LRCH2: variants seen among roughly 807,000 people sequenced by gnomAD.
LRCH2 encodes leucine-rich repeat and calponin homology domain-containing protein 2.
LRCH2 carries 38 observed loss-of-function variants against 68.9 expected under a neutral mutation model. The ratio of observed to expected loss-of-function variants is 0.55; its 90% confidence interval spans 0.43 to 0.72. LRCH2 has a LOEUF of 0.72. LRCH2 is among the 30% of genes least tolerant of loss of function. LRCH2 has a pLI of 0.00. For synonymous variants in LRCH2, 191 were observed against 208.1 expected (o/e 0.92, Z 0.71); for missense variants, 528 against 572.9 (o/e 0.92, Z 0.80).
Position 115,124,022 on chromosome X carries a change from TTAAAAA to T in LRCH2, c.1792-26_1792-21del. Reference sequence around the variant, plus strand: ...ATATTCCTAAAAAAAAATTAAAAAGTTAAAAATAAATAAATAATAAAACTTCTTTTC... The same window carrying T: ...ATATTCCTAAAAAAAAATTAAAAAGTTAAATAAATAATAAAACTTCTTTTC... On this transcript the variant is annotated intron_variant, in intron 16 of 20. Transcript: ENST00000317135. 2 of 914,487 alleles carry T rather than the reference TTAAAAA, an allele frequency of 2.2e-6. No individual in the cohort carries two copies. Among genetic ancestry groups the T allele is most frequent in the Non-Finnish European group, 2.9e-6 (2 of 686,532 alleles). The allele number at this position is 914,487 out of a possible 1,213,427, so 75.4% of individuals were successfully genotyped here. A position where few individuals can be genotyped will look rare whatever the true frequency, so the allele number is the denominator to read the frequency against.
chrX:115,223,755 GA>G (rs140221934), intron 1 of LRCH2, among the ~76,000 whole-genome samples: 7,057 of 96,847 alleles, frequency 0.073, 231 homozygotes, highest in Middle Eastern at 0.11. Flanking sequence ...GTCTCTACTG[GA>G]AAAAAAAAAA....
At chrX:115,229,095 T>C (rs1378244007) in intron 1 of LRCH2, among the ~76,000 whole-genome samples, 1 of 111,586 alleles carries the variant, frequency 9.0e-6, no homozygotes, top group Non-Finnish European at 1.9e-5. Context: ...AAGAGAGGCA[T>C]GATAGCTATG....
chrX:115,194,176 T>C (rs1194691945), intron 1 of LRCH2, among the ~76,000 whole-genome samples: 1 of 111,563 alleles, frequency 9.0e-6, no homozygotes, highest in Non-Finnish European at 1.9e-5. Flanking sequence ...TATATTCTCA[T>C]TCTTAACCTT....
chrX:115,192,329 G>T, intron 1 of LRCH2: 1 of 1,081,190 alleles, frequency 9.2e-7, no homozygotes, highest in Non-Finnish European at 1.2e-6. Context: ...CACAGTGGGG[G>T]CCGCGACAGT....
intron 1 of LRCH2, chrX:115,192,006 T>TGGA (rs1569516050): frequency 8.8e-7 from 1 of 1,132,732 alleles, no homozygotes; most frequent in Admixed American, 2.9e-5. Context: ...GCCACCGCTA[T>TGGA]GGAGGAGGAG....
At chrX:115,190,387 G>A in intron 1 of LRCH2, 1 of 1,163,532 alleles carries the variant, frequency 8.6e-7, no homozygotes, top group Non-Finnish European at 1.1e-6. Context: ...CGCTGCCCCT[G>A]TGTGGGGGAC....
intron 16 of LRCH2, chrX:115,126,392 G>T (rs2072200430): frequency 8.9e-6 from 1 of 111,939 alleles, no homozygotes; most frequent in South Asian, 3.7e-4. Context: ...CTTTTGCATT[G>T]GTTTCAGACC....
chrX:115,190,534 G>C (rs1251918139), intron 1 of LRCH2: 2 of 1,158,728 alleles, frequency 1.7e-6, no homozygotes, highest in African/African-American at 1.8e-5. Flanking sequence ...CTCGCCCAAA[G>C]CCTATAGTGG....
At chrX:115,176,571 A>G (rs932573972) in intron 5 of LRCH2, among the ~76,000 whole-genome samples, 6 of 106,982 alleles carry the variant, frequency 5.6e-5, no homozygotes, top group Non-Finnish European at 7.7e-5. Context: ...TTAACCCCTC[A>G]TCAGATATAT....
intron 1 of LRCH2, among the ~76,000 whole-genome samples, chrX:115,212,816 CA>C (rs1290695461): frequency 8.3e-5 from 9 of 108,569 alleles, no homozygotes; most frequent in Non-Finnish European, 1.3e-4. Context: ...ACAAAAAATA[CA>C]AAAAAATAGC....
At chrX:115,171,076 A>G (rs186791517) in intron 5 of LRCH2, among the ~76,000 whole-genome samples, 5 of 111,832 alleles carry the variant, frequency 4.5e-5, no homozygotes, top group Non-Finnish European at 1.9e-5. Context: ...AACAATAGAA[A>G]ATGAGAGGTA....
intron 20 of LRCH2, among the ~76,000 whole-genome samples, chrX:115,116,101 T>C (rs1472203155): frequency 9.0e-6 from 1 of 111,272 alleles, no homozygotes; most frequent in Non-Finnish European, 1.9e-5. Flanking sequence ...ATATTGCTGG[T>C]GGAAATGTAA....
At chrX:115,208,561 G>T (rs1265052519) in intron 1 of LRCH2, among the ~76,000 whole-genome samples, 1 of 111,581 alleles carries the variant, frequency 9.0e-6, no homozygotes, top group Non-Finnish European at 1.9e-5. Context: ...AGAGGAGTCA[G>T]ATGGAATGGA....
intron 1 of LRCH2, among the ~76,000 whole-genome samples, chrX:115,201,838 T>C (rs2072932213): frequency 9.0e-6 from 1 of 111,651 alleles, no homozygotes; most frequent in African/African-American, 3.3e-5. Context: ...TAAAACACAG[T>C]AGCATTTCTA....
intron 1 of LRCH2, among the ~76,000 whole-genome samples, chrX:115,199,766 C>T (rs1309215948): frequency 1.8e-5 from 2 of 112,117 alleles, no homozygotes; most frequent in Admixed American, 9.5e-5. Context: ...AACAAAGAAA[C>T]ATTAGATATA....
At chrX:115,140,302 G>T (rs940978283) in intron 14 of LRCH2, among the ~76,000 whole-genome samples, 5 of 111,561 alleles carry the variant, frequency 4.5e-5, no homozygotes, top group African/African-American at 1.6e-4. Context: ...ACCCAGTCCT[G>T]CCAGGAGTCA....
chrX:115,199,781 G>A (rs1371932456), intron 1 of LRCH2, among the ~76,000 whole-genome samples: 1 of 111,976 alleles, frequency 8.9e-6, no homozygotes, highest in Non-Finnish European at 1.9e-5. Context: ...GATATAAATT[G>A]GACTTTACAC....
In LRCH2 at chrX:115,122,590, C is replaced by A; in HGVS notation, c.2115G>T (p.Met705Ile). ...VPSPAVPKLSMAKCRRNVENF... is the reference protein window; with the variant it reads ...VPSPAVPKLSIAKCRRNVENF... ...TTTCTACATTTCTTCGACATTTTGCCATGCTCAGTTTGGGCTGTAAAGTAA... is the reference window on the plus strand; with the variant it reads ...TTTCTACATTTCTTCGACATTTTGCAATGCTCAGTTTGGGCTGTAAAGTAA... Residue 705 changes from methionine to isoleucine, a missense_variant, in exon 20 of 21, where the codon ATG (methionine) becomes ATT (isoleucine). By Grantham distance (10) the Met-to-Ile change is conservative. Coordinates refer to ENST00000317135, the MANE Select transcript of LRCH2 (RefSeq NM_020871.4). 1 of 1,210,059 alleles carries A rather than the reference C, an allele frequency of 8.3e-7. No homozygotes were observed. The highest frequency in any genetic ancestry group is 1.7e-5 in the African/African-American group (1 of 57,753).
intron 1 of LRCH2, among the ~76,000 whole-genome samples, chrX:115,222,262 T>A (rs892094243): frequency 2.7e-5 from 3 of 112,067 alleles, no homozygotes; most frequent in Non-Finnish European, 5.6e-5. Flanking sequence ...TTCCACCTGA[T>A]AAAGACCATT....
Sources: gnomAD v4.1 joint callset for allele counts (sites outside exome capture counted in the v4.1 genomes callset) on GRCh38, gnomAD v4.1.1 for gene constraint, MANE v1.5 for transcripts, NCBI Gene and HGNC (gene_info 2026-07-23, HGNC 2026-07-21) for gene names.